PLOD2: variants seen among roughly 807,000 people sequenced by gnomAD.
The protein encoded by PLOD2 is procollagen-lysine,2-oxoglutarate 5-dioxygenase 2.
A neutral mutation model predicts 101.0 loss-of-function variants in PLOD2; 65 were observed. The ratio of observed to expected loss-of-function variants is 0.64; its 90% CI spans 0.53 to 0.79. PLOD2 has a LOEUF of 0.79. PLOD2 is among the 30% of genes least tolerant of loss of function. The probability of loss-of-function intolerance (pLI) is 0.00; values close to 1 mark genes in which losing one functional copy is unlikely to be tolerated. For missense variants in PLOD2, 909 were observed against 914.6 expected (o/e 0.99, Z 0.08); for synonymous variants, 314 against 302.9 (o/e 1.04, Z -0.38).
intron 1 of PLOD2, among the ~76,000 whole-genome samples, chr3:146,156,657 C>T (rs949287670): frequency 6.6e-6 from 1 of 152,242 alleles, no homozygotes; most frequent in Non-Finnish European, 1.5e-5. Context: ...CAGCCTGTGC[C>T]TACTCCTTTC....
chr3:146,133,797 G>A (rs555881786), intron 1 of PLOD2, among the ~76,000 whole-genome samples: 169 of 152,274 alleles, frequency 1.1e-3, no homozygotes, highest in Non-Finnish European at 1.7e-3. Context: ...GGAAAAAAGT[G>A]TGTTATGGGC....
At chr3:146,150,441 T>C (rs1382016046) in intron 1 of PLOD2, among the ~76,000 whole-genome samples, 2 of 151,994 alleles carry the variant, frequency 1.3e-5, no homozygotes, top group African/African-American at 4.8e-5. Flanking sequence ...TGGATGGAGC[T>C]GGAGGCTATT....
chr3:146,096,986 G>T (rs1362920222), intron 7 of PLOD2, among the ~76,000 whole-genome samples: 5 of 135,782 alleles, frequency 3.7e-5, no homozygotes, highest in Non-Finnish European at 4.8e-5. Context: ...AGCCGCCCCG[G>T]CCGGGAGGGA....
chr3:146,101,170 T>C (rs577907325), intron 7 of PLOD2, among the ~76,000 whole-genome samples: 1 of 152,060 alleles, frequency 6.6e-6, no homozygotes, highest in East Asian at 1.9e-4. Context: ...ACCTGGAGCT[T>C]AGGAAAGACA....
At chr3:146,109,628 T>A (rs1440436492) in intron 4 of PLOD2, among the ~76,000 whole-genome samples, 1 of 152,246 alleles carries the variant, frequency 6.6e-6, no homozygotes, top group South Asian at 2.1e-4. Context: ...TTTGTCCCTA[T>A]GTTTACATTA....
At chr3:146,121,961 C>A (rs1332404772) in intron 2 of PLOD2, among the ~76,000 whole-genome samples, 2 of 152,182 alleles carry the variant, frequency 1.3e-5, no homozygotes, top group African/African-American at 2.4e-5. Flanking sequence ...TTCCCCCACA[C>A]AACACACACC....
chr3:146,124,103 T>G (rs1423496439), intron 2 of PLOD2, 35 bp downstream of exon 2: 2 of 1,057,662 alleles, frequency 1.9e-6, no homozygotes, highest in East Asian at 4.7e-5. Context: ...AGGCACACAT[T>G]ATAGGATCTT....
chr3:146,083,248 T>C (rs950799545), intron 11 of PLOD2, among the ~76,000 whole-genome samples: 1 of 152,196 alleles, frequency 6.6e-6, no homozygotes, highest in African/African-American at 2.4e-5. Context: ...TTCATATTAT[T>C]ATACAATTTA....
chr3:146,071,224 C>T (rs1476139621), intron 18 of PLOD2, 53 bp downstream of exon 18: 2 of 1,610,662 alleles, frequency 1.2e-6, no homozygotes. Context: ...TTAAAAAGAA[C>T]ACCTGTGTAA....
intron 1 of PLOD2, among the ~76,000 whole-genome samples, chr3:146,134,203 C>T (rs1447627093): frequency 3.3e-5 from 5 of 151,928 alleles, no homozygotes; most frequent in Non-Finnish European, 4.4e-5. Flanking sequence ...ATGAGGAGTG[C>T]GGATTACATA....
chr3:146,131,833 T>G (rs998193868), intron 1 of PLOD2, among the ~76,000 whole-genome samples: 5 of 152,094 alleles, frequency 3.3e-5, no homozygotes, highest in Admixed American at 3.3e-4. Context: ...TTTTATTTTG[T>G]GGAATTGTTG....
At position 146,091,784 on chromosome 3, in the gene PLOD2, A is replaced by G; in HGVS notation, c.879+16T>C. The G allele has an allele frequency of 7.4e-7, 1 of 1,355,370 alleles. No homozygotes were observed. The highest frequency in any genetic ancestry group is 1.1e-6 in the Non-Finnish European group (1 of 944,170). 84.0% of individuals were successfully genotyped at this position (1,355,370 alleles called of 1,614,324 possible). On this transcript the variant is annotated intron_variant, in intron 8 of 19. Transcript: ENST00000282903. Reference sequence around the variant, plus strand: ...CTTTCTATTACTACATTTCACACATAATCAATTCCACTTACATCTACTGCA... The same window carrying G: ...CTTTCTATTACTACATTTCACACATGATCAATTCCACTTACATCTACTGCA...
At chr3:146,095,163 G>T (rs987286271) in intron 7 of PLOD2, among the ~76,000 whole-genome samples, 10 of 152,266 alleles carry the variant, frequency 6.6e-5, no homozygotes, top group African/African-American at 2.2e-4. Context: ...CATGGGCAAA[G>T]ACTTCACGAC....
At chr3:146,073,098 T>A (rs1277202028) in intron 16 of PLOD2, among the ~76,000 whole-genome samples, 189 bp downstream of exon 16, 2 of 151,634 alleles carry the variant, frequency 1.3e-5, no homozygotes, top group African/African-American at 2.4e-5. Context: ...TTTTAAAATG[T>A]TAATTTCTAT....
intron 11 of PLOD2, 133 bp downstream of exon 11, chr3:146,085,036 T>C: frequency 1.7e-6 from 1 of 572,458 alleles, no homozygotes; most frequent in Non-Finnish European, 3.1e-6. Context: ...TTAACTTGAA[T>C]TGAAAGTTTA....
At position 146,157,644 on chromosome 3, in the gene PLOD2, T is replaced by C. The variant is rs770773509; in HGVS notation, c.109+3237A>G. Among the ~76,000 whole-genome samples, 29 of 152,226 alleles carry C rather than the reference T, an allele frequency of 1.9e-4. 1 individual carries two copies. The highest frequency in any genetic ancestry group is 1.3e-3 in the Admixed American group (20 of 15,288). On this transcript the variant is annotated intron_variant, in intron 1 of 19. Coordinates refer to ENST00000282903, the MANE Select transcript of PLOD2 (RefSeq NM_182943.3). ...CAATCAGAGTTTATTTTAAGATGCT[T>C]TGTCCCATGTGTTGGATAGAAAAGG...
chr3:146,115,103 A>G (rs1937845126), intron 3 of PLOD2, among the ~76,000 whole-genome samples: 1 of 152,140 alleles, frequency 6.6e-6, no homozygotes, highest in South Asian at 2.1e-4. Context: ...ACCCAGCTTT[A>G]AAATTTCTCT....
At chr3:146,080,192 A>G (rs935045205) in intron 12 of PLOD2, among the ~76,000 whole-genome samples, 1 of 151,960 alleles carries the variant, frequency 6.6e-6, no homozygotes, top group Non-Finnish European at 1.5e-5. Context: ...ACCCCAGTGG[A>G]TGCTTGAAAG....
At chr3:146,083,513 G>A (rs919306686) in intron 11 of PLOD2, among the ~76,000 whole-genome samples, 3 of 151,906 alleles carry the variant, frequency 2.0e-5, no homozygotes, top group Middle Eastern at 3.4e-3. Context: ...AGAATTCCAT[G>A]GAGACACAGC....
Sources: gnomAD v4.1 joint callset for allele counts (sites outside exome capture counted in the v4.1 genomes callset) on GRCh38, gnomAD v4.1.1 for gene constraint, MANE v1.5 for transcripts, NCBI Gene and HGNC (gene_info 2026-07-23, HGNC 2026-07-21) for gene names.